CRYBG1: variants seen among roughly 807,000 people sequenced by gnomAD.
The protein encoded by CRYBG1 is beta/gamma crystallin domain-containing protein 1.
Under a neutral mutation model 189.2 loss-of-function variants are expected in CRYBG1, and 139 were observed. The ratio of observed to expected loss-of-function variants is 0.73; its 90% CI spans 0.64 to 0.85. The LOEUF is 0.85. Among genes scored for constraint, CRYBG1 ranks in the 40% least tolerant of loss-of-function variants. The pLI, the probability that CRYBG1 is intolerant of heterozygous loss-of-function variation, is 0.00. For missense variants in CRYBG1, 2,611 were observed against 2,675.8 expected (o/e 0.98, Z 0.53); for synonymous variants, 1,023 against 1,017.1 (o/e 1.01, Z -0.11).
chr6:106,419,885 T>C (rs971201286), intron 1 of CRYBG1, among the ~76,000 whole-genome samples: 4 of 152,238 alleles, frequency 2.6e-5, no homozygotes, highest in African/African-American at 7.2e-5. Flanking sequence ...TACAGAAAGC[T>C]GAAGTTGTCT....
rs760137463 is a variant in CRYBG1 at position 106,512,380 on chromosome 6, G to A, written c.1263G>A (p.Arg421=). The A allele has an allele frequency of 3.1e-6, 5 of 1,611,156 alleles. No homozygotes were observed. The South Asian group carries it at 5.5e-5, about 18-fold the overall frequency. The part of the protein sequence containing the change: ...KRSSGRRSGR[R]RGSQKSTDSP... ...CCAGCGGCCGTAGGTCGGGGAGGCG[G>A]AGGGGGTCGCAGAAATCCACCGACT... is the stretch of plus-strand genomic sequence containing the variant. Residue 421 remains arginine, a synonymous_variant, in exon 3 of 22, where the codon CGG becomes CGA. Transcript: ENST00000633556.
intron 1 of CRYBG1, among the ~76,000 whole-genome samples, chr6:106,364,074 C>G (rs1771933698): frequency 6.6e-6 from 1 of 152,170 alleles, no homozygotes; most frequent in African/African-American, 2.4e-5. Context: ...CCTCTAATCC[C>G]AGTACTTTGG....
chr6:106,530,673 G>A lies in CRYBG1; in HGVS notation c.4718+358G>A, dbSNP rs1017864827. ...CACATGCCCCTGATATTTCTGGGGG[G>A]GGATGGAAGCCAACACACATGGTAC... On this transcript the variant is annotated intron_variant, in intron 8 of 21. Transcript: ENST00000633556. Among the ~76,000 whole-genome samples the A allele has an allele frequency of 3.9e-5, 6 of 152,230 alleles. No individual in the cohort carries two copies. In the East Asian group the frequency reaches 9.6e-4, roughly 24 times the overall value.
intron 2 of CRYBG1, among the ~76,000 whole-genome samples, chr6:106,503,857 A>T (rs1773064955): frequency 6.6e-6 from 1 of 152,042 alleles, no homozygotes; most frequent in Non-Finnish European, 1.5e-5. Flanking sequence ...ATAATTATAA[A>T]TTATAAATTA....
intron 3 of CRYBG1, among the ~76,000 whole-genome samples, chr6:106,517,449 C>CACATATATAT (rs1199210189): frequency 3.5e-4 from 46 of 132,836 alleles, no homozygotes; most frequent in Non-Finnish European, 5.1e-4. Context: ...CATATATATA[C>CACATATATAT]ACACATATAT....
intron 1 of CRYBG1, among the ~76,000 whole-genome samples, chr6:106,445,344 A>AGG (rs1163104130): frequency 1.2e-4 from 19 of 152,170 alleles, no homozygotes; most frequent in Non-Finnish European, 2.5e-4. Flanking sequence ...CTCTACTCCT[A>AGG]ACTCTGTCAT....
chr6:106,550,038 G>A (rs975935421), intron 13 of CRYBG1, among the ~76,000 whole-genome samples: 2 of 152,154 alleles, frequency 1.3e-5, no homozygotes, highest in Non-Finnish European at 2.9e-5. Flanking sequence ...GCCAATAGTC[G>A]ATTGTGTCAC....
Position 106,539,470 on chromosome 6 carries a change from G to T in CRYBG1, c.4786G>T (p.Asp1596Tyr), listed in dbSNP as rs116295305. ...PFILEPGEYP[D>Y]LSFWDTEEAY... ...CATCCTGGAACCTGGTGAATACCCT[G>T]ACTTGTCCTTCTGGGATACAGAAGA... The change falls in exon 9 of 22, where the codon GAC becomes TAC. Residue 1596 changes from aspartate (D) to tyrosine (Y), a missense_variant. Transcript: ENST00000633556. The T allele has an allele frequency of 3.9e-4, 637 of 1,613,994 alleles. 1 individual carries two copies. The African/African-American group carries it at 7.7e-3, about 19-fold the overall frequency.
chr6:106,527,400 T>C lies in CRYBG1; in HGVS notation c.4508T>C (p.Ile1503Thr). The change falls in exon 7 of 22, where the codon ATT (isoleucine) becomes ACT (threonine). Residue 1503 changes from isoleucine to threonine, a missense_variant. Around this residue, in one of 3 missense-constraint regions of CRYBG1, gnomAD observed 1,622 missense variants for 1,735.0 expected, o/e 0.93. Transcript: ENST00000633556. ...ELSGLWGIED[I>T]LERHEEAESD... ...TCTGGTCTCTGGGGTATAGAAGACATTTTGGAAAGGCACGAAGAAGCAGAG... is the reference window on the plus strand; with the variant it reads ...TCTGGTCTCTGGGGTATAGAAGACACTTTGGAAAGGCACGAAGAAGCAGAG... 6.2e-7 allele frequency: 1 copy of C among 1,613,868 alleles called. No homozygotes were observed. Among genetic ancestry groups the C allele is most frequent in the Non-Finnish European group, 8.5e-7 (1 of 1,179,846 alleles).
chr6:106,520,460 T>G lies in CRYBG1; in HGVS notation c.3252T>G (p.Pro1084=). ...DQTVTNGQDS[P]ASLLNISAGS... ...CTGTTACAAATGGCCAGGATAGCCC[T>G]GCCAGCCTTTTGAACATTTCTGCTG... Residue 1084 remains proline, a synonymous_variant, in exon 4 of 22, where the codon CCT becomes CCG. Coordinates refer to ENST00000633556, the MANE Select transcript of CRYBG1 (RefSeq NM_001371242.2). 1 of 1,614,168 alleles carries G rather than the reference T, an allele frequency of 6.2e-7. No individual in the cohort carries two copies.
Position 106,543,559 on chromosome 6 carries a change from G to A in CRYBG1, c.5001G>A (p.Pro1667=), listed in dbSNP as rs771341989. ...TEEATGDDHL[P]FTSVGSMKVL... is the part of the protein sequence containing the mutation. The stretch of plus-strand genomic sequence containing the variant: ...AGGCGACTGGAGACGATCATTTGCC[G>A]TTTACGTCAGTGGGGTCTATGAAAG... Residue 1667 remains proline, a synonymous_variant, in exon 11 of 22, where the codon CCG becomes CCA. Transcript: ENST00000633556. The A allele has an allele frequency of 1.4e-5, 23 of 1,613,928 alleles. No individual in the cohort carries two copies. Among genetic ancestry groups the A allele is most frequent in the East Asian group, 8.9e-5 (4 of 44,894 alleles).
At chr6:106,506,063 C>CGGTA (rs1773126173) in intron 2 of CRYBG1, among the ~76,000 whole-genome samples, 1 of 152,142 alleles carries the variant, frequency 6.6e-6, no homozygotes, top group Non-Finnish European at 1.5e-5. Context: ...ACCTGTGCAC[C>CGGTA]GGTAGCTCCA....
In CRYBG1 at chr6:106,511,710, C is replaced by T. The variant is rs1773261992; in HGVS notation, c.593C>T (p.Pro198Leu). 6.5e-7 allele frequency: 1 copy of T among 1,535,580 alleles called. No individual in the cohort carries two copies. The highest frequency in any genetic ancestry group is 1.4e-5 in the African/African-American group (1 of 73,140). Residue 198 changes from proline to leucine, a missense_variant, in exon 3 of 22, where the codon CCC becomes CTC. Physicochemically the swap from Pro to Leu is moderately conservative, Grantham distance 98 (BLOSUM62 -3). Around this residue, in one of 3 missense-constraint regions of CRYBG1, gnomAD observed 985 missense variants for 924.4 expected, o/e 1.07. Transcript: ENST00000633556. ...ENPREAEGEL[P>L]ESGGPAAPPD... ...CCCCGAGAGGCAGAGGGCGAGCTCCCCGAGAGCGGTGGCCCCGCAGCCCCC... is the reference window on the plus strand; with the variant it reads ...CCCCGAGAGGCAGAGGGCGAGCTCCTCGAGAGCGGTGGCCCCGCAGCCCCC...
At chr6:106,463,443 T>C (rs1772053536) in intron 2 of CRYBG1, among the ~76,000 whole-genome samples, 1 of 152,226 alleles carries the variant, frequency 6.6e-6, no homozygotes, top group African/African-American at 2.4e-5. Flanking sequence ...TGTAATGTGT[T>C]CTAGGAAAAA....
At chr6:106,395,580 A>C (rs1461202091) in intron 1 of CRYBG1, among the ~76,000 whole-genome samples, 1 of 151,524 alleles carries the variant, frequency 6.6e-6, no homozygotes, top group African/African-American at 2.4e-5. Flanking sequence ...TTTTTGTTTA[A>C]TTCTGTTTTA....
At position 106,568,522 on chromosome 6, in the gene CRYBG1, G is replaced by GAGA. The variant is rs1275791792; in HGVS notation, c.6355_6357dup (p.Lys2119dup). On this transcript the variant is annotated inframe_insertion, in exon 22 of 22. Coordinates refer to ENST00000633556, the MANE Select transcript of CRYBG1 (RefSeq NM_001371242.2). ...CATTATCCTCAACACTGTCAGCAAA[G>GAGA]AGAAGTTTACACAAGTGTGGGAAGC... The GAGA allele has an allele frequency of 1.2e-5, 19 of 1,613,918 alleles. No homozygotes were observed. In the African/African-American group the frequency reaches 2.3e-4, roughly 19 times the overall value.
At chr6:106,553,156 C>G (rs76080904) in intron 15 of CRYBG1, among the ~76,000 whole-genome samples, 6,015 of 152,298 alleles carry the variant, frequency 0.039, 172 homozygotes, top group Non-Finnish European at 0.06. Context: ...TGATTTCTGA[C>G]CACAATAAAG....
chr6:106,532,560 C>T (rs1197020491), intron 8 of CRYBG1, among the ~76,000 whole-genome samples: 2 of 152,220 alleles, frequency 1.3e-5, no homozygotes, highest in Admixed American at 6.5e-5. Context: ...CACATCCTCA[C>T]CAATACTTGT....
At chr6:106,542,889 T>TCCTCCTGCCTTGG (rs1367641795) in intron 10 of CRYBG1, among the ~76,000 whole-genome samples, 1 of 147,378 alleles carries the variant, frequency 6.8e-6, no homozygotes, top group African/African-American at 2.5e-5. Context: ...GCTCAAGTGA[T>TCCTCCTGCCTTGG]CCTCCTGCCT....
Sources: allele counts gnomAD v4.1 joint callset (sites outside exome capture counted in the v4.1 genomes callset), GRCh38; gene constraint gnomAD v4.1.1; regional missense constraint gnomAD v4.1.1; transcripts MANE v1.5; gene names NCBI Gene and HGNC (gene_info 2026-07-23, HGNC 2026-07-21).